KATNBL1: variants seen among roughly 807,000 people sequenced by gnomAD.
KATNBL1 encodes the protein katanin regulatory subunit B1 like 1, also known as KATNB1-like protein 1.
In KATNBL1, 28 loss-of-function variants were observed where a neutral mutation model predicts 44.7. The observed-to-expected ratio is 0.63, with a 90% CI of 0.46 to 0.86. The LOEUF (loss-of-function observed/expected upper bound fraction) is 0.86. Ranked by LOEUF, KATNBL1 falls within the 40% of genes least tolerant of loss-of-function variation. KATNBL1 has a pLI of 0.00. For synonymous variants in KATNBL1, 78 were observed against 114.9 expected, an observed-to-expected ratio of 0.68 and a Z score of 2.06; for missense variants, 272 against 350.7, an observed-to-expected ratio of 0.78 and a Z score of 1.79.
intron 1 of KATNBL1, among the ~76,000 whole-genome samples, chr15:34,196,326 G>A (rs777840321): frequency 6.6e-6 from 1 of 152,220 alleles, no homozygotes; most frequent in Non-Finnish European, 1.5e-5. Context: ...GCTGAGGCAG[G>A]AGAATCGCGT....
intron 2 of KATNBL1, among the ~76,000 whole-genome samples, chr15:34,155,351 G>A (rs970227127): frequency 6.6e-6 from 1 of 152,154 alleles, no homozygotes; most frequent in Non-Finnish European, 1.5e-5. Flanking sequence ...GGGGAACTGA[G>A]AGAAGTTTTA....
At chr15:34,151,590 T>C (rs1888480000) in intron 4 of KATNBL1, among the ~76,000 whole-genome samples, 1 of 151,618 alleles carries the variant, frequency 6.6e-6, no homozygotes, top group Non-Finnish European at 1.5e-5. Context: ...TAGCTGGCAT[T>C]ACAGGCGTGC....
chr15:34,143,315 A>G (rs1461790415), intron 9 of KATNBL1, among the ~76,000 whole-genome samples: 1 of 151,916 alleles, frequency 6.6e-6, no homozygotes, highest in Non-Finnish European at 1.5e-5. Context: ...TCTCCACTAA[A>G]AATACAAAAA....
intron 2 of KATNBL1, among the ~76,000 whole-genome samples, chr15:34,156,760 G>C (rs1029329130): frequency 4.6e-5 from 7 of 152,194 alleles, no homozygotes; most frequent in African/African-American, 1.4e-4. Context: ...AATTGGCTTA[G>C]AGAAGGGGAA....
intron 1 of KATNBL1, among the ~76,000 whole-genome samples, chr15:34,189,250 C>T (rs984803007): frequency 3.3e-5 from 5 of 152,212 alleles, no homozygotes; most frequent in African/African-American, 1.2e-4. Flanking sequence ...TCTCGAAGTC[C>T]CAACCTCAGG....
At chr15:34,200,486 C>T (rs551745797) in intron 1 of KATNBL1, among the ~76,000 whole-genome samples, 92 of 151,512 alleles carry the variant, frequency 6.1e-4, no homozygotes, top group Non-Finnish European at 1.0e-3. Context: ...TGGTCTCGAA[C>T]GCCTGACCTC....
intron 1 of KATNBL1, among the ~76,000 whole-genome samples, chr15:34,176,244 G>A (rs1889328552): frequency 6.6e-6 from 1 of 151,824 alleles, no homozygotes. Flanking sequence ...TGGGCGTGGT[G>A]GCAGGCGCCT....
chr15:34,195,187 G>C lies in KATNBL1; in HGVS notation c.-15+14764C>G, dbSNP rs113297916. Among the ~76,000 whole-genome samples the C allele has an allele frequency of 7.3e-3, 1,116 of 152,226 alleles. 15 individuals are homozygous for C. The highest frequency in any genetic ancestry group is 0.025 in the African/African-American group (1,058 of 41,524). ...ACCAATTTATAATAGGAAAGATATGGAATCAACCCGTGTCTTATCAACAGA... is the reference window on the plus strand; with the variant it reads ...ACCAATTTATAATAGGAAAGATATGCAATCAACCCGTGTCTTATCAACAGA... On this transcript the variant is annotated intron_variant, in intron 1 of 9. Transcript: ENST00000256544.
intron 2 of KATNBL1, among the ~76,000 whole-genome samples, chr15:34,162,126 G>T (rs1888825632): frequency 6.6e-6 from 1 of 152,152 alleles, no homozygotes; most frequent in African/African-American, 2.4e-5. Flanking sequence ...ATCATATGTA[G>T]TTATTTTTGG....
At chr15:34,147,734 G>A (rs1196245862) in intron 5 of KATNBL1, among the ~76,000 whole-genome samples, 1 of 152,188 alleles carries the variant, frequency 6.6e-6, no homozygotes, top group African/African-American at 2.4e-5. Context: ...GCGAGATAGG[G>A]AGTGGAGAAA....
chr15:34,150,114 T>C (rs1206509120), intron 4 of KATNBL1, among the ~76,000 whole-genome samples: 1 of 152,230 alleles, frequency 6.6e-6, no homozygotes, highest in Non-Finnish European at 1.5e-5. Flanking sequence ...TTTAGGTTTT[T>C]AGAGCAGGTA....
intron 1 of KATNBL1, among the ~76,000 whole-genome samples, chr15:34,184,697 C>G (rs1258845621): frequency 6.7e-6 from 1 of 149,948 alleles, no homozygotes. Context: ...CTCAGCCTCC[C>G]GAGTAGCTGG....
At chr15:34,197,207 C>T (rs1450389350) in intron 1 of KATNBL1, among the ~76,000 whole-genome samples, 1 of 152,130 alleles carries the variant, frequency 6.6e-6, no homozygotes, top group African/African-American at 2.4e-5. Context: ...TTTTAGTTTG[C>T]TTTTGAAAAA....
chr15:34,208,602 G>T (rs1285326137), intron 1 of KATNBL1: 1 of 152,102 alleles, frequency 6.6e-6, no homozygotes, highest in African/African-American at 2.4e-5. Context: ...AAAACTTTCA[G>T]GAAAGGATAT....
intron 1 of KATNBL1, among the ~76,000 whole-genome samples, chr15:34,171,775 C>G (rs1407515653): frequency 1.3e-5 from 2 of 152,076 alleles, no homozygotes; most frequent in South Asian, 4.2e-4. Context: ...GATGAGTTCA[C>G]GTCCTTAACA....
chr15:34,190,420 T>G (rs559860963), intron 1 of KATNBL1, among the ~76,000 whole-genome samples: 1 of 152,288 alleles, frequency 6.6e-6, no homozygotes, highest in South Asian at 2.1e-4. Flanking sequence ...AGAATACACC[T>G]TGGGTCACAG....
chr15:34,166,601 C>A (rs578208135), intron 1 of KATNBL1, among the ~76,000 whole-genome samples: 1 of 152,250 alleles, frequency 6.6e-6, no homozygotes, highest in Non-Finnish European at 1.5e-5. Context: ...CCCAACACGA[C>A]GTTTGAGCTC....
intron 2 of KATNBL1, among the ~76,000 whole-genome samples, chr15:34,163,236 G>A (rs917197218): frequency 6.6e-6 from 1 of 151,498 alleles, no homozygotes; most frequent in African/African-American, 2.4e-5. Context: ...TAGACACAGG[G>A]TTTCACCATG....
Position 34,146,829 on chromosome 15 carries a change from G to A in KATNBL1, c.720C>T (p.Asn240=), listed in dbSNP as rs1184844944. Residue 240 remains asparagine (N), a synonymous_variant, in exon 8 of 10, where the codon AAC becomes AAT. Coordinates refer to ENST00000256544, the MANE Select transcript of KATNBL1 (RefSeq NM_024713.3). ...ACCTTTTAATGACTGCTTGAAGCCA[G>A]TTTAAACCAACTATAACATATCTGA... ...KFEEYVIVGL[N]WLQAVIKRWW... The A allele has an allele frequency of 4.4e-6, 7 of 1,604,712 alleles. No homozygotes were observed. Among genetic ancestry groups the A allele is most frequent in the Non-Finnish European group, 5.1e-6 (6 of 1,171,598 alleles).
Sources: allele counts gnomAD v4.1 joint callset (sites outside exome capture counted in the v4.1 genomes callset), GRCh38; gene constraint gnomAD v4.1.1; transcripts MANE v1.5; gene names NCBI Gene and HGNC (gene_info 2026-07-23, HGNC 2026-07-21).